The following NEBL variants were observed in gnomAD, a reference collection of about 807,000 sequenced individuals.
NEBL encodes nebulette.
NEBL carries 122 observed loss-of-function variants against 140.2 expected under a neutral mutation model. The ratio of observed to expected loss-of-function variants is 0.87; its 90% confidence interval spans 0.75 to 1.01. NEBL has a LOEUF of 1.01. Among genes scored for constraint, NEBL ranks in the 50% least tolerant of loss-of-function variants. The probability of loss-of-function intolerance (pLI) is 0.00; values close to 1 mark genes in which losing one functional copy is unlikely to be tolerated. For synonymous variants in NEBL, 436 were observed against 398.9 expected (o/e 1.09, Z -1.11); for missense variants, 1,365 against 1,231.3 (o/e 1.11, Z -1.62).
At chr10:21,183,534 T>C (rs917721835) in intron 3 of NEBL, among the ~76,000 whole-genome samples, 3 of 152,136 alleles carry the variant, frequency 2.0e-5, no homozygotes, top group Non-Finnish European at 4.4e-5. Context: ...ACCAAGAGTC[T>C]GGAAAAAATC....
intron 3 of NEBL, among the ~76,000 whole-genome samples, chr10:21,234,353 G>C (rs531486289): frequency 6.6e-6 from 1 of 152,018 alleles, no homozygotes; most frequent in African/African-American, 2.4e-5. Context: ...ACCAGAGAGC[G>C]GGTTGTTTAA....
At chr10:21,242,618 T>TA (rs1281419350) in intron 3 of NEBL, among the ~76,000 whole-genome samples, 3 of 151,840 alleles carry the variant, frequency 2.0e-5, no homozygotes, top group East Asian at 3.8e-4. Flanking sequence ...AAAGTTTTTT[T>TA]AAAAAAAAGA....
chr10:20,921,594 AC>A (rs1173018706), intron 4 of NEBL, among the ~76,000 whole-genome samples: 2 of 152,084 alleles, frequency 1.3e-5, no homozygotes, highest in Non-Finnish European at 2.9e-5. Context: ...GGTGGTCATG[AC>A]TTCCTGAATC....
intron 2 of NEBL, among the ~76,000 whole-genome samples, chr10:21,102,250 T>C (rs1346919873): frequency 6.6e-6 from 1 of 152,192 alleles, no homozygotes; most frequent in Non-Finnish European, 1.5e-5. Flanking sequence ...CTATATCTTC[T>C]TTTTTTAACA....
intron 3 of NEBL, among the ~76,000 whole-genome samples, chr10:21,223,746 A>G (rs1326599258): frequency 6.6e-6 from 1 of 152,122 alleles, no homozygotes; most frequent in African/African-American, 2.4e-5. Flanking sequence ...GAGTGAGATG[A>G]TATCTCATTG....
intron 4 of NEBL, among the ~76,000 whole-genome samples, chr10:20,942,742 GA>G (rs1386731821): frequency 2.6e-5 from 4 of 152,072 alleles, no homozygotes; most frequent in Admixed American, 6.5e-5. Flanking sequence ...CAATGTACAA[GA>G]AAAAAACAAA....
chr10:21,069,558 G>T (rs1328417489), intron 2 of NEBL, among the ~76,000 whole-genome samples: 1 of 152,154 alleles, frequency 6.6e-6, no homozygotes, highest in Non-Finnish European at 1.5e-5. Flanking sequence ...TGAGTCTCGG[G>T]CCCATTAACC....
intron 2 of NEBL, among the ~76,000 whole-genome samples, chr10:21,106,520 C>G (rs1023692575): frequency 8.5e-5 from 13 of 152,070 alleles, no homozygotes; most frequent in African/African-American, 3.1e-4. Flanking sequence ...GTTTCTGAGG[C>G]CTCTGTTCTG....
intron 4 of NEBL, among the ~76,000 whole-genome samples, chr10:20,941,533 A>C (rs974972302): frequency 6.6e-6 from 1 of 151,996 alleles, no homozygotes; most frequent in Non-Finnish European, 1.5e-5. Flanking sequence ...CAAGACAGGG[A>C]TGCCCTCTCT....
chr10:21,288,334 G>C (rs1843089104), intron 1 of NEBL, among the ~76,000 whole-genome samples: 1 of 151,946 alleles, frequency 6.6e-6, no homozygotes, highest in African/African-American at 2.4e-5. Context: ...CAGGCATGGT[G>C]CCAGGCATCT....
At chr10:21,014,876 G>A (rs564535040) in intron 3 of NEBL, among the ~76,000 whole-genome samples, 4 of 152,128 alleles carry the variant, frequency 2.6e-5, no homozygotes, top group East Asian at 1.9e-4. Flanking sequence ...ATCATTTATC[G>A]TACTTCCTAT....
chr10:21,125,491 T>C lies in NEBL; in HGVS notation c.164+46892A>G, dbSNP rs974278355. The stretch of plus-strand genomic sequence containing the variant: ...TTAAGGCTTCCCTCGAAATCTAGCA[T>C]CATTCTTGCCTTTTTTCCTGCTAAA... On this transcript the variant is annotated intron_variant, in intron 2 of 6. Transcript: ENST00000417816. Among the ~76,000 whole-genome samples, 8 of 152,216 alleles carry C rather than the reference T, an allele frequency of 5.3e-5. 1 individual carries two copies. The highest frequency in any genetic ancestry group is 1.9e-4 in the African/African-American group (8 of 41,458).
At chr10:21,030,019 G>A (rs1833712258) in intron 2 of NEBL, 1 of 490,498 alleles carries the variant, frequency 2.0e-6, no homozygotes, top group Non-Finnish European at 3.9e-6. Context: ...TGAATCTAAA[G>A]CCTCATAATA....
rs368952687 is a variant in NEBL at position 20,959,328 on chromosome 10, G to A, written c.357+2344C>T. ...TTATAATTTCCCAGCATCTCTAGCC[G>A]GAAGATTCTGGGGTCTTTCCAGTCT... is the stretch of plus-strand genomic sequence containing the variant. On this transcript the variant is annotated intron_variant, in intron 4 of 6. Transcript: ENST00000417816. 1.3e-3 allele frequency among the ~76,000 whole-genome samples: 200 copies of A among 152,214 alleles called. 4 individuals are homozygous for A. The South Asian group carries it at 0.038, about 29-fold the overall frequency.
chr10:20,840,415 C>T (rs1479329656), intron 13 of NEBL, among the ~76,000 whole-genome samples: 1 of 152,078 alleles, frequency 6.6e-6, no homozygotes, highest in African/African-American at 2.4e-5. Flanking sequence ...AACTTTCTAC[C>T]TGCAGTTACT....
chr10:20,968,525 A>G (rs1237529306), intron 3 of NEBL, among the ~76,000 whole-genome samples: 2 of 152,132 alleles, frequency 1.3e-5, no homozygotes, highest in African/African-American at 2.4e-5. Flanking sequence ...ATAATTAAAT[A>G]CATACATAAA....
chr10:21,107,004 A>G (rs1266883943), intron 2 of NEBL, among the ~76,000 whole-genome samples: 1 of 152,076 alleles, frequency 6.6e-6, no homozygotes, highest in Non-Finnish European at 1.5e-5. Flanking sequence ...GGTGTATAGG[A>G]ATGCTTGTGA....
intron 2 of NEBL, among the ~76,000 whole-genome samples, chr10:21,070,515 G>A (rs1835768725): frequency 6.6e-6 from 1 of 152,040 alleles, no homozygotes; most frequent in South Asian, 2.1e-4. Flanking sequence ...CTGTTTTAAA[G>A]AGTACATAAT....
intron 2 of NEBL, among the ~76,000 whole-genome samples, chr10:21,146,994 C>A (rs557385317): frequency 6.6e-6 from 1 of 152,240 alleles, no homozygotes; most frequent in Admixed American, 6.5e-5. Context: ...CCTGCCATAA[C>A]GCCTCTTCCC....
Sources: gnomAD v4.1 joint callset for allele counts (sites outside exome capture counted in the v4.1 genomes callset) on GRCh38, gnomAD v4.1.1 for gene constraint, MANE v1.5 for transcripts, NCBI Gene and HGNC (gene_info 2026-07-23, HGNC 2026-07-21) for gene names.